The following MAP3K4 variants were observed in gnomAD, a reference collection of about 807,000 sequenced individuals.
MAP3K4 encodes MAP three kinase 1.
In MAP3K4, 67 loss-of-function variants were observed where a neutral mutation model predicts 185.6. The observed-to-expected ratio is 0.36, with a 90% CI of 0.30 to 0.44. MAP3K4 has a LOEUF of 0.44. Among genes scored for constraint, MAP3K4 ranks in the 20% least tolerant of loss-of-function variants. The pLI is 1.00. For missense variants in MAP3K4, 1,551 were observed against 1,995.1 expected (o/e 0.78, Z 4.24); for synonymous variants, 702 against 710.4 (o/e 0.99, Z 0.19).
chr6:161,019,737 G>A (rs530528702), intron 1 of MAP3K4, among the ~76,000 whole-genome samples: 1 of 152,128 alleles, frequency 6.6e-6, no homozygotes, highest in East Asian at 1.9e-4. Context: ...CTTTTTTATT[G>A]TGTTTAGTCG....
At chr6:161,058,471 CTT>C (rs1185968650) in intron 3 of MAP3K4, among the ~76,000 whole-genome samples, 1 of 152,096 alleles carries the variant, frequency 6.6e-6, no homozygotes. Flanking sequence ...CAGAAACTGA[CTT>C]TTGAAGGGTA....
chr6:161,018,781 T>G (rs1386966000), intron 1 of MAP3K4, among the ~76,000 whole-genome samples: 1 of 152,152 alleles, frequency 6.6e-6, no homozygotes, highest in Non-Finnish European at 1.5e-5. Context: ...TACCAGGAGT[T>G]GCTAAAATAG....
rs1785139222 is a variant in MAP3K4 at position 161,075,656 on chromosome 6, G to A, written c.2097+2044G>A. ...GAGCAGGGTGAGGAGCATCAGGCAT[G>A]TGAACCACGCCTTCCTGGTCAGCCA... On this transcript the variant is annotated intron_variant, in intron 5 of 26. Coordinates refer to ENST00000392142, the MANE Select transcript of MAP3K4 (RefSeq NM_005922.4). The surrounding 1 kb of genome is among the most constrained non-coding windows in gnomAD (Gnocchi z 4.3). 6.6e-6 allele frequency among the ~76,000 whole-genome samples: 1 copy of A among 152,198 alleles called. No homozygotes were observed. Among genetic ancestry groups the A allele is most frequent in the East Asian group, 1.9e-4 (1 of 5,192 alleles).
intron 5 of MAP3K4, among the ~76,000 whole-genome samples, chr6:161,078,566 G>GA (rs969279198): frequency 6.6e-6 from 1 of 152,224 alleles, no homozygotes; most frequent in Non-Finnish European, 1.5e-5. Flanking sequence ...GGAAGGAGGA[G>GA]AGGGGGCTTT....
Position 161,041,912 on chromosome 6 carries a change from C to CTTTTTTTTTTTT in MAP3K4, c.344-6702_344-6691dup, listed in dbSNP as rs1184107037. ...GGGTAAAGGCCTTGAGTTATTGTTT[C>CTTTTTTTTTTTT]TTTTTTTTTTTTTCTTTTTTTTTTT... On this transcript the variant is annotated intron_variant, in intron 2 of 26. Transcript: ENST00000392142. Among the ~76,000 whole-genome samples the CTTTTTTTTTTTT allele has an allele frequency of 3.3e-3, 209 of 64,032 alleles. 25 individuals are homozygous for CTTTTTTTTTTTT. Among genetic ancestry groups the CTTTTTTTTTTTT allele is most frequent in the African/African-American group, 5.9e-3 (93 of 15,868 alleles). The allele number at this position is 64,032 out of a possible 152,430, so 42.0% of individuals were successfully genotyped here.
Position 161,017,359 on chromosome 6 carries a change from T to G in MAP3K4, c.153-16900T>G, listed in dbSNP as rs1782163783. On this transcript the variant is annotated intron_variant, in intron 1 of 26. Transcript: ENST00000392142. The surrounding 1 kb of genome is among the most constrained non-coding windows in gnomAD (Gnocchi z 5.1). ...GATATTTCCCCCTCAGTAATAGGGA[T>G]GAGGGTGATAGAACTACTAACTGTT... is the stretch of plus-strand genomic sequence containing the variant. Among the ~76,000 whole-genome samples the G allele has an allele frequency of 6.6e-6, 1 of 152,162 alleles. No individual in the cohort carries two copies.
At position 161,048,725 on chromosome 6, in the gene MAP3K4, A is replaced by G. The variant is rs1783859917; in HGVS notation, c.453A>G (p.Arg151=). ...AGAAAAAGATCCGAGCAGCTCTTAG[A>G]ACAACAGAGCGTGATCGTAAAAAAA... The part of the protein sequence containing the change: ...KQEKKIRAAL[R]TTERDRKKNV... Residue 151 remains arginine, a synonymous_variant, in exon 3 of 27, where the codon AGA becomes AGG. Coordinates refer to ENST00000392142, the MANE Select transcript of MAP3K4 (RefSeq NM_005922.4). The surrounding 1 kb of genome is among the most constrained non-coding windows in gnomAD (Gnocchi z 4.7). The G allele has an allele frequency of 1.2e-6, 2 of 1,614,100 alleles. No homozygotes were observed. The highest frequency in any genetic ancestry group is 2.7e-5 in the African/African-American group (2 of 75,048).
At chr6:161,013,660 C>T (rs1406220978) in intron 1 of MAP3K4, among the ~76,000 whole-genome samples, 5 of 152,192 alleles carry the variant, frequency 3.3e-5, no homozygotes, top group Non-Finnish European at 7.3e-5. Flanking sequence ...GAAGAGGCAA[C>T]GTTACATCTC....
intron 4 of MAP3K4, among the ~76,000 whole-genome samples, chr6:161,072,662 G>T (rs971718108): frequency 5.3e-5 from 8 of 152,144 alleles, no homozygotes; most frequent in Non-Finnish European, 8.8e-5. Context: ...TAGAAAGTTT[G>T]TATCAGTTTA....
rs951276094 is a variant in MAP3K4, at chr6:161,088,081, A to T, written c.2823+127A>T. On this transcript the variant is annotated intron_variant, in intron 10 of 26. Coordinates refer to ENST00000392142, the MANE Select transcript of MAP3K4 (RefSeq NM_005922.4). The surrounding 1 kb of genome is among the most constrained non-coding windows in gnomAD (Gnocchi z 4.5). ...TCACAAGTATATACTTCCCAAAAAT[A>T]TGCCTCAATGTGTTAATAGGTCATT... 1.4e-5 allele frequency: 12 copies of T among 882,116 alleles called. No homozygotes were observed. Among genetic ancestry groups the T allele is most frequent in the Non-Finnish European group, 2.0e-5 (12 of 597,130 alleles). 54.6% of individuals were successfully genotyped at this position (882,116 alleles called of 1,614,324 possible).
intron 1 of MAP3K4, among the ~76,000 whole-genome samples, chr6:161,031,052 T>A (rs530610468): frequency 2.0e-5 from 3 of 152,344 alleles, no homozygotes; most frequent in Admixed American, 2.0e-4. Context: ...TATTTTAATA[T>A]TTTGTTTATG....
At chr6:161,040,284 A>G (rs753268047) in intron 2 of MAP3K4, among the ~76,000 whole-genome samples, 1 of 152,346 alleles carries the variant, frequency 6.6e-6, no homozygotes, top group Non-Finnish European at 1.5e-5. Context: ...ATATGAGGCT[A>G]CATACAAGTA....
chr6:161,016,697 C>T (rs529308726), intron 1 of MAP3K4, among the ~76,000 whole-genome samples: 13 of 152,276 alleles, frequency 8.5e-5, no homozygotes, highest in African/African-American at 3.1e-4. Context: ...TCCACTGATC[C>T]CGTGTGTCTG....
rs186711263 is a variant in MAP3K4, at chr6:161,072,584, T to G, written c.1951-882T>G. ...ATATGCTTGTATAGAAATCTTAGTT[T>G]AGATCTCTGATTATTTCTCGAGTGT... On this transcript the variant is annotated intron_variant, in intron 4 of 26. Coordinates refer to ENST00000392142, the MANE Select transcript of MAP3K4 (RefSeq NM_005922.4). Among the ~76,000 whole-genome samples the G allele has an allele frequency of 1.3e-3, 202 of 152,364 alleles. 2 individuals carry two copies. The highest frequency in any genetic ancestry group is 4.6e-3 in the African/African-American group (192 of 41,590).
At position 161,106,560 on chromosome 6, in the gene MAP3K4, C is replaced by A; in HGVS notation, c.3903C>A (p.Val1301=). 1.2e-6 allele frequency: 2 copies of A among 1,613,302 alleles called. No homozygotes were observed. Among genetic ancestry groups the A allele is most frequent in the African/African-American group, 1.3e-5 (1 of 74,948 alleles). ...CCATAGAAGCTATCCAGAAGTCAGT[C>A]CGATTGTTTGAAGAAAAGAGGTACC... ...LGPIEAIQKS[V]RLFEEKRYRE... The change falls in exon 20 of 27, where the codon GTC becomes GTA. Residue 1301 remains valine (V), a synonymous_variant. Transcript: ENST00000392142. This position sits in a 1 kb window ranked among gnomAD's most constrained non-coding sequence, Gnocchi z 4.9.
rs1402674543 is a variant in MAP3K4, at chr6:160,991,951, C to T, written c.20C>T (p.Ala7Val). ...GCACGGATGAGAGAAGCCGCTGCCGCGCTGGTCCCTCCTCCCGCCTTTGCC... is the reference window on the plus strand; with the variant it reads ...GCACGGATGAGAGAAGCCGCTGCCGTGCTGGTCCCTCCTCCCGCCTTTGCC... MREAAAALVPPPAFAVT... is the reference protein window; with the variant it reads MREAAAVLVPPPAFAVT... The change falls in exon 1 of 27, where the codon GCG (alanine) becomes GTG (valine). Residue 7 changes from alanine (A) to valine (V), a missense_variant. By Grantham distance (64) the Ala-to-Val change is moderately conservative. Around this residue, in one of 16 missense-constraint regions of MAP3K4, gnomAD observed 287 missense variants for 268.8 expected, o/e 1.07. Coordinates refer to ENST00000392142, the MANE Select transcript of MAP3K4 (RefSeq NM_005922.4). The surrounding 1 kb of genome is among the most constrained non-coding windows in gnomAD (Gnocchi z 5.7). 1.9e-6 allele frequency: 3 copies of T among 1,544,068 alleles called. No individual in the cohort carries two copies. Among genetic ancestry groups the T allele is most frequent in the East Asian group, 2.5e-5 (1 of 40,388 alleles).
chr6:161,008,714 G>T lies in MAP3K4; in HGVS notation c.152+16631G>T, dbSNP rs76998466. Among the ~76,000 whole-genome samples the T allele has an allele frequency of 0.022, 3,368 of 152,236 alleles. 123 individuals carry two copies. The highest frequency in any genetic ancestry group is 0.076 in the African/African-American group (3,147 of 41,536). On this transcript the variant is annotated intron_variant, in intron 1 of 26. Coordinates refer to ENST00000392142, the MANE Select transcript of MAP3K4 (RefSeq NM_005922.4). The surrounding 1 kb of genome is among the most constrained non-coding windows in gnomAD (Gnocchi z 4.1). ...TAAGTGAAGAAATAAAATGTGAGCA[G>T]CATCCTAGAAAATCTCTTCCTACTT...
rs1264560626 is a variant in MAP3K4, at chr6:161,037,890, T to C, written c.343+3441T>C. Reference sequence around the variant, plus strand: ...CAAGTCGTGTAGCTACTGTTCCTGCTTCTGTCCTGCCTGGACTACACATTT... The same window carrying C: ...CAAGTCGTGTAGCTACTGTTCCTGCCTCTGTCCTGCCTGGACTACACATTT... On this transcript the variant is annotated intron_variant, in intron 2 of 26. Coordinates refer to ENST00000392142, the MANE Select transcript of MAP3K4 (RefSeq NM_005922.4). This position sits in a 1 kb window ranked among gnomAD's most constrained non-coding sequence, Gnocchi z 4.2. Among the ~76,000 whole-genome samples, 1 of 152,204 alleles carries C rather than the reference T, an allele frequency of 6.6e-6. No homozygotes were observed. The highest frequency in any genetic ancestry group is 2.4e-5 in the African/African-American group (1 of 41,448).
In MAP3K4 at chr6:161,005,139, C is replaced by CT. The variant is rs1178412146; in HGVS notation, c.152+13073dup. On this transcript the variant is annotated intron_variant, in intron 1 of 26. Transcript: ENST00000392142. ...GACTCAAGACACAAAAGTATATAAA[C>CT]TTTTTTTTTTTTTTTTTGAGACAGG... Among the ~76,000 whole-genome samples, 1,270 of 140,804 alleles carry CT rather than the reference C, an allele frequency of 9.0e-3. 7 individuals are homozygous for CT. Among genetic ancestry groups the CT allele is most frequent in the African/African-American group, 0.015 (582 of 38,476 alleles). The allele number at this position is 140,804 out of a possible 152,430, so 92.4% of individuals were successfully genotyped here. A position where few individuals can be genotyped will look rare whatever the true frequency, so the allele number is the denominator to read the frequency against.
Sources: gnomAD v4.1 joint callset for allele counts (sites outside exome capture counted in the v4.1 genomes callset) on GRCh38, gnomAD v4.1.1 for gene constraint, gnomAD v4.1.1 regional missense constraint, Gnocchi (gnomAD v3.1) non-coding constraint, MANE v1.5 for transcripts, NCBI Gene and HGNC (gene_info 2026-07-23, HGNC 2026-07-21) for gene names.